The following MAGI2 variants were observed in gnomAD, a reference collection of about 807,000 sequenced individuals.
MAGI2 encodes membrane associated guanylate kinase, WW and PDZ domain containing 2, also known as membrane-associated guanylate kinase, WW and PDZ domain-containing protein 2.
A neutral mutation model predicts 133.3 loss-of-function variants in MAGI2; 35 were observed. The ratio of observed to expected loss-of-function variants is 0.26; its 90% CI spans 0.20 to 0.35. The LOEUF (loss-of-function observed/expected upper bound fraction) is 0.35. Among genes scored for constraint, MAGI2 ranks in the 10% least tolerant of loss-of-function variants. The probability of loss-of-function intolerance (pLI) is 1.00; values close to 1 mark genes in which losing one functional copy is unlikely to be tolerated. For synonymous variants in MAGI2, 729 were observed against 710.6 expected (o/e 1.03, Z -0.41); for missense variants, 1,636 against 1,863.4 (o/e 0.88, Z 2.25).
At chr7:78,095,284 G>A (rs1276051773) in intron 20 of MAGI2, among the ~76,000 whole-genome samples, 1 of 152,148 alleles carries the variant, frequency 6.6e-6, no homozygotes. Context: ...CATATTGGGA[G>A]ATACAGATGA....
chr7:78,668,258 A>C (rs1266650644), intron 2 of MAGI2, among the ~76,000 whole-genome samples: 1 of 151,550 alleles, frequency 6.6e-6, no homozygotes, highest in Admixed American at 6.6e-5. Flanking sequence ...TTTTCTTGTA[A>C]ATTTCTTTGA....
intron 1 of MAGI2, among the ~76,000 whole-genome samples, chr7:79,234,274 T>G (rs1831666457): frequency 1.4e-5 from 2 of 147,216 alleles, no homozygotes; most frequent in Non-Finnish European, 3.0e-5. Context: ...TTATGTGTCT[T>G]GGAGTTGCTC....
chr7:78,636,559 G>A (rs1344953760), intron 2 of MAGI2, among the ~76,000 whole-genome samples: 1 of 152,088 alleles, frequency 6.6e-6, no homozygotes, highest in East Asian at 1.9e-4. Context: ...AGCACTTTGG[G>A]AGGCCGAGGT....
intron 1 of MAGI2, among the ~76,000 whole-genome samples, chr7:79,265,819 T>A (rs1296281214): frequency 6.6e-6 from 1 of 152,128 alleles, no homozygotes. Flanking sequence ...TCATCTAAGC[T>A]TCCTAAAGTG....
chr7:78,723,832 G>A (rs1023558431), intron 2 of MAGI2, among the ~76,000 whole-genome samples: 1 of 152,158 alleles, frequency 6.6e-6, no homozygotes, highest in African/African-American at 2.4e-5. Flanking sequence ...TAGGGAGATA[G>A]ATGTTGTGAA....
At chr7:78,973,873 C>G (rs1418318535) in intron 2 of MAGI2, among the ~76,000 whole-genome samples, 7 of 151,792 alleles carry the variant, frequency 4.6e-5, no homozygotes, top group Admixed American at 4.6e-4. Flanking sequence ...GGGATCAGCT[C>G]TTCTCCTGTC....
At chr7:79,296,851 T>C (rs1019050421) in intron 1 of MAGI2, among the ~76,000 whole-genome samples, 1 of 152,156 alleles carries the variant, frequency 6.6e-6, no homozygotes, top group African/African-American at 2.4e-5. Context: ...TAGTTTATGG[T>C]ATATTTCAAC....
At chr7:78,233,956 T>G (rs911780790) in intron 10 of MAGI2, among the ~76,000 whole-genome samples, 1 of 152,252 alleles carries the variant, frequency 6.6e-6, no homozygotes, top group East Asian at 1.9e-4. Context: ...TAGATTAGCT[T>G]CAGCTAAATG....
At chr7:79,452,976 G>T in intron 1 of MAGI2, 44 bp downstream of exon 1, 1 of 1,504,446 alleles carries the variant, frequency 6.6e-7, no homozygotes, top group Non-Finnish European at 8.8e-7. Flanking sequence ...CGCCCCGAGC[G>T]GTCCCACCGC....
At chr7:78,249,305 A>AT (rs1792134436) in intron 10 of MAGI2, among the ~76,000 whole-genome samples, 1 of 152,116 alleles carries the variant, frequency 6.6e-6, no homozygotes, top group Non-Finnish European at 1.5e-5. Context: ...ACAGTATGGA[A>AT]GTTCCTCAAA....
At chr7:78,039,441 C>G (rs1033245906) in intron 21 of MAGI2, 15 of 152,212 alleles carry the variant, frequency 9.9e-5, no homozygotes, top group Non-Finnish European at 1.8e-4. Context: ...GGTGGAAAAC[C>G]TGGAATTCTC....
intron 1 of MAGI2, among the ~76,000 whole-genome samples, chr7:79,298,692 C>T (rs756586805): frequency 2.6e-5 from 4 of 152,056 alleles, no homozygotes; most frequent in Admixed American, 6.6e-5. Context: ...GAAGTCCTAA[C>T]CCCCAGTATC....
chr7:78,521,055 G>A (rs1796453795), intron 4 of MAGI2, among the ~76,000 whole-genome samples: 1 of 152,064 alleles, frequency 6.6e-6, no homozygotes, highest in Non-Finnish European at 1.5e-5. Context: ...TTAATTAACA[G>A]AGAGCTCAAA....
At chr7:78,394,417 A>C (rs1379587338) in intron 6 of MAGI2, among the ~76,000 whole-genome samples, 1 of 152,108 alleles carries the variant, frequency 6.6e-6, no homozygotes, top group African/African-American at 2.4e-5. Context: ...TGCCATGGTC[A>C]CGTCTTCCCC....
intron 1 of MAGI2, among the ~76,000 whole-genome samples, chr7:79,065,713 C>T (rs1814238901): frequency 6.6e-6 from 1 of 152,068 alleles, no homozygotes; most frequent in Non-Finnish European, 1.5e-5. Flanking sequence ...CTTCCCCTAG[C>T]CCCACACCCC....
chr7:78,250,137 A>T (rs1458298305), intron 10 of MAGI2, among the ~76,000 whole-genome samples: 2 of 152,112 alleles, frequency 1.3e-5, no homozygotes, highest in African/African-American at 4.8e-5. Context: ...AATATTAAAA[A>T]ACAGCAAGGC....
chr7:78,241,987 T>G (rs1791198131), intron 10 of MAGI2, among the ~76,000 whole-genome samples: 1 of 151,914 alleles, frequency 6.6e-6, no homozygotes, highest in African/African-American at 2.4e-5. Context: ...TGATCAATAG[T>G]TATATATCCT....
At chr7:79,067,243 T>A (rs1814447313) in intron 1 of MAGI2, among the ~76,000 whole-genome samples, 1 of 152,228 alleles carries the variant, frequency 6.6e-6, no homozygotes, top group Non-Finnish European at 1.5e-5. Context: ...TCCATGAGCA[T>A]GGAATGTTTT....
In MAGI2 at chr7:78,451,611, T is replaced by G. The variant is rs1025164956; in HGVS notation, c.1045+38150A>C. On this transcript the variant is annotated intron_variant, in intron 6 of 21. Coordinates refer to ENST00000354212, the MANE Select transcript of MAGI2 (RefSeq NM_012301.4). Reference sequence around the variant, plus strand: ...TCTTGGGCATGTTATAGTTTACCTATGCCTCAGTTTCCCAATCTGTAAAAT... The same window carrying G: ...TCTTGGGCATGTTATAGTTTACCTAGGCCTCAGTTTCCCAATCTGTAAAAT... Among the ~76,000 whole-genome samples, 3 of 152,226 alleles carry G rather than the reference T, an allele frequency of 2.0e-5. No homozygotes were observed. The East Asian group carries it at 5.8e-4, about 29-fold the overall frequency.
Sources: gnomAD v4.1 joint callset for allele counts (sites outside exome capture counted in the v4.1 genomes callset) on GRCh38, gnomAD v4.1.1 for gene constraint, MANE v1.5 for transcripts, NCBI Gene and HGNC (gene_info 2026-07-23, HGNC 2026-07-21) for gene names.